The following BANK1 variants were observed in gnomAD, a reference collection of about 807,000 sequenced individuals.
The protein encoded by BANK1 is B-cell scaffold protein with ankyrin repeats.
Under a neutral mutation model 94.5 loss-of-function variants are expected in BANK1, and 95 were observed. That is an observed-to-expected ratio of 1.00 (90% CI 0.85 to 1.19). BANK1 has a LOEUF of 1.19. Ranked by LOEUF, BANK1 falls within the 50% of genes most tolerant of loss-of-function variation. The pLI is 0.00. For missense variants in BANK1, 987 were observed against 932.2 expected (o/e 1.06, Z -0.77); for synonymous variants, 334 against 308.4 (o/e 1.08, Z -0.87).
Position 101,917,992 on chromosome 4 carries a change from G to C in BANK1, c.1010-1G>C. 1 of 1,600,152 alleles carries C rather than the reference G, an allele frequency of 6.2e-7. No individual in the cohort carries two copies. Among genetic ancestry groups the C allele is most frequent in the African/African-American group, 1.3e-5 (1 of 74,672 alleles). ...AATCCTACTACTTCTTATGCTTACA[G>C]ATACTCATTTCAAAGAACTTCCAAC... is the stretch of plus-strand genomic sequence containing the variant. On this transcript the variant is annotated splice_acceptor_variant, in intron 6 of 16. Coordinates refer to ENST00000322953, the MANE Select transcript of BANK1 (RefSeq NM_017935.5). LOFTEE classifies it high-confidence loss of function.
At chr4:101,828,612 G>A (rs976594528) in intron 1 of BANK1, among the ~76,000 whole-genome samples, 6 of 151,580 alleles carry the variant, frequency 4.0e-5, no homozygotes, top group African/African-American at 7.3e-5. Context: ...TATGTCTTTC[G>A]ATTCATCCAT....
intron 6 of BANK1, among the ~76,000 whole-genome samples, chr4:101,911,102 T>A (rs4530633): frequency 0.45 from 68,065 of 152,104 alleles, 16,561 homozygotes; most frequent in South Asian, 0.56. Flanking sequence ...ACTTTACAGA[T>A]GAGAAGTTGC....
chr4:101,901,324 T>G (rs1006230069), intron 6 of BANK1, among the ~76,000 whole-genome samples: 1 of 152,180 alleles, frequency 6.6e-6, no homozygotes, highest in Non-Finnish European at 1.5e-5. Flanking sequence ...GCAGACTGAT[T>G]GAGACAATGC....
At chr4:101,819,084 AT>A (rs1336853208) in intron 1 of BANK1, among the ~76,000 whole-genome samples, 3 of 152,236 alleles carry the variant, frequency 2.0e-5, no homozygotes, top group African/African-American at 7.2e-5. Flanking sequence ...TCATTATCAT[AT>A]ATATACTCAA....
intron 7 of BANK1, among the ~76,000 whole-genome samples, chr4:101,927,733 C>A (rs939733563): frequency 4.0e-5 from 6 of 151,424 alleles, no homozygotes; most frequent in Non-Finnish European, 8.9e-5. Flanking sequence ...GAATTAATTG[C>A]CATTTACTGA....
chr4:101,890,811 G>A (rs907832391), intron 5 of BANK1, among the ~76,000 whole-genome samples: 4 of 146,368 alleles, frequency 2.7e-5, no homozygotes, highest in African/African-American at 1.0e-4. Flanking sequence ...GCACCTATTT[G>A]CACAACTTTT....
At chr4:101,867,457 G>C (rs978441079) in intron 4 of BANK1, among the ~76,000 whole-genome samples, 1 of 145,198 alleles carries the variant, frequency 6.9e-6, no homozygotes, top group African/African-American at 2.6e-5. Flanking sequence ...CAGAAACTTA[G>C]ATCTACGTAA....
intron 7 of BANK1, among the ~76,000 whole-genome samples, chr4:101,976,051 A>G (rs1406357748): frequency 6.6e-6 from 1 of 152,172 alleles, no homozygotes; most frequent in Non-Finnish European, 1.5e-5. Context: ...CATTCAGTAA[A>G]TAATTTTCAG....
intron 7 of BANK1, among the ~76,000 whole-genome samples, chr4:101,996,248 T>G (rs1725875547): frequency 6.6e-6 from 1 of 152,116 alleles, no homozygotes; most frequent in African/African-American, 2.4e-5. Context: ...AGATGTGTAG[T>G]GTTATTTCTG....
chr4:101,791,186 C>T (rs1280519327), intron 1 of BANK1, among the ~76,000 whole-genome samples: 1 of 152,224 alleles, frequency 6.6e-6, no homozygotes, highest in Non-Finnish European at 1.5e-5. Context: ...TTCTGGCCAG[C>T]GGGCTACCCT....
rs77395275 is a variant in BANK1 at position 101,938,360 on chromosome 4, C to T, written c.1206+20171C>T. Among the ~76,000 whole-genome samples, 849 of 150,852 alleles carry T rather than the reference C, an allele frequency of 5.6e-3. 15 individuals are homozygous for T. In the East Asian group the frequency reaches 0.057, roughly 10 times the overall value. ...TAATGGGTAAAAAGATATAGTTAAA[C>T]AAAATGAATAAGATCTAGTATTTTG... On this transcript the variant is annotated intron_variant, in intron 7 of 16. Transcript: ENST00000322953.
At chr4:102,016,929 A>C (rs969833386) in intron 7 of BANK1, among the ~76,000 whole-genome samples, 12 of 152,178 alleles carry the variant, frequency 7.9e-5, no homozygotes, top group Non-Finnish European at 1.6e-4. Flanking sequence ...GGATACAGGG[A>C]GAGTGCATTC....
chr4:102,003,515 A>G (rs73834548), intron 7 of BANK1, among the ~76,000 whole-genome samples: 141 of 152,276 alleles, frequency 9.3e-4, no homozygotes, highest in African/African-American at 3.1e-3. Context: ...CTTTTCCTGG[A>G]CTACCTCACA....
chr4:102,007,098 T>TAA lies in BANK1; in HGVS notation c.1207-14416_1207-14415insAA, dbSNP rs1491251789. Among the ~76,000 whole-genome samples the TAA allele has an allele frequency of 2.1e-4, 16 of 75,326 alleles. No homozygotes were observed. The East Asian group carries it at 2.6e-3, about 12-fold the overall frequency. 49.4% of individuals were successfully genotyped at this position (75,326 alleles called of 152,430 possible). ...TATATATAAATATATATATAATATATTTATATATATATAAATATATATTTT... is the reference window on the plus strand; with the variant it reads ...TATATATAAATATATATATAATATATAATTATATATATATAAATATATATTTT... On this transcript the variant is annotated intron_variant, in intron 7 of 16. Transcript: ENST00000322953.
intron 5 of BANK1, among the ~76,000 whole-genome samples, chr4:101,888,779 A>G (rs769567154): frequency 6.6e-6 from 1 of 152,244 alleles, no homozygotes; most frequent in Non-Finnish European, 1.5e-5. Flanking sequence ...AGTTATTACT[A>G]TTAGTTAAAC....
intron 4 of BANK1, among the ~76,000 whole-genome samples, chr4:101,865,446 G>C (rs550290468): frequency 6.6e-6 from 1 of 152,212 alleles, no homozygotes; most frequent in South Asian, 2.1e-4. Flanking sequence ...ATCTGAGAAA[G>C]AGCCCATGGA....
At chr4:102,005,579 T>C (rs949583274) in intron 7 of BANK1, among the ~76,000 whole-genome samples, 1 of 152,120 alleles carries the variant, frequency 6.6e-6, no homozygotes, top group Non-Finnish European at 1.5e-5. Context: ...GTTAGATTGT[T>C]TTCATTCATG....
At chr4:101,851,405 G>A (rs13128847) in intron 2 of BANK1, among the ~76,000 whole-genome samples, 10,329 of 152,242 alleles carry the variant, frequency 0.068, 599 homozygotes, top group East Asian at 0.18. Context: ...CAGGCAACAA[G>A]TATTTATTAA....
chr4:102,014,931 G>C (rs916301933), intron 7 of BANK1, among the ~76,000 whole-genome samples: 1 of 152,038 alleles, frequency 6.6e-6, no homozygotes, highest in Non-Finnish European at 1.5e-5. Flanking sequence ...GGCAAATTCA[G>C]GATGATTCTG....
Sources: allele counts gnomAD v4.1 joint callset (sites outside exome capture counted in the v4.1 genomes callset), GRCh38; gene constraint gnomAD v4.1.1; transcripts MANE v1.5; gene names NCBI Gene and HGNC (gene_info 2026-07-23, HGNC 2026-07-21).